THUMPD2: variants seen among roughly 807,000 people sequenced by gnomAD.
The protein encoded by THUMPD2 is THUMP domain 2 tRNA and snRNA guanosine methyltransferase, also known as U6 snRNA (guanine-N(2))-methyltransferase THUMPD2.
Under a neutral mutation model 49.4 loss-of-function variants are expected in THUMPD2, and 56 were observed. That is an observed-to-expected ratio of 1.13 (90% CI 0.91 to 1.41). The LOEUF (loss-of-function observed/expected upper bound fraction) is 1.41. Ranked by LOEUF, THUMPD2 falls within the 40% of genes most tolerant of loss-of-function variation. The pLI is 0.00. For missense variants in THUMPD2, 709 were observed against 594.5 expected, an observed-to-expected ratio of 1.19 and a Z score of -2.00; for synonymous variants, 237 against 205.2, an observed-to-expected ratio of 1.15 and a Z score of -1.32.
intron 8 of THUMPD2, among the ~76,000 whole-genome samples, chr2:39,747,345 T>C (rs1450858134): frequency 6.6e-6 from 1 of 152,200 alleles, no homozygotes; most frequent in Non-Finnish European, 1.5e-5. Context: ...TACTATTCTT[T>C]TTCTCATTTC....
chr2:39,767,685 C>T (rs1172274610), intron 4 of THUMPD2, among the ~76,000 whole-genome samples: 1 of 140,350 alleles, frequency 7.1e-6, no homozygotes, highest in Non-Finnish European at 1.5e-5. Flanking sequence ...GGGATCAAAA[C>T]ATTTAGTATG....
At chr2:39,773,558 A>T (rs539746684) in intron 1 of THUMPD2, among the ~76,000 whole-genome samples, 26 of 40,262 alleles carry the variant, frequency 6.5e-4, no homozygotes, top group African/African-American at 4.9e-3. Context: ...TATATTTAAA[A>T]ATATATATAT....
chr2:39,740,684 C>T (rs114023135), intron 9 of THUMPD2, among the ~76,000 whole-genome samples: 3,519 of 151,698 alleles, frequency 0.023, 51 homozygotes, highest in Non-Finnish European at 0.037. Context: ...ATACCTCAAG[C>T]TACTGGTGTC....
chr2:39,744,342 A>T, intron 9 of THUMPD2, 28 bp downstream of exon 9: 6 of 1,449,508 alleles, frequency 4.1e-6, no homozygotes, highest in Non-Finnish European at 5.6e-6. Context: ...TAGCTAAAAA[A>T]ATTATGAAAA....
At chr2:39,778,743 G>T (rs1245467377) in intron 1 of THUMPD2, among the ~76,000 whole-genome samples, 1 of 152,202 alleles carries the variant, frequency 6.6e-6, no homozygotes, top group Non-Finnish European at 1.5e-5. Context: ...CTAACAAAAA[G>T]TCAGGTAACT....
intron 5 of THUMPD2, among the ~76,000 whole-genome samples, chr2:39,763,796 T>C (rs1482649286): frequency 6.6e-6 from 1 of 152,202 alleles, no homozygotes; most frequent in South Asian, 2.1e-4. Context: ...TACAAGGCAC[T>C]TCATGGCTTG....
chr2:39,746,746 G>A (rs966893861), intron 8 of THUMPD2, among the ~76,000 whole-genome samples: 1 of 152,068 alleles, frequency 6.6e-6, no homozygotes, highest in African/African-American at 2.4e-5. Context: ...TCAGGACTAT[G>A]GCCCCAAGAT....
At chr2:39,753,744 T>C (rs756390168) in intron 8 of THUMPD2, among the ~76,000 whole-genome samples, 9 of 152,248 alleles carry the variant, frequency 5.9e-5, no homozygotes, top group South Asian at 2.1e-4. Context: ...CTGTTGGCTC[T>C]GTCTGCCAGA....
rs1673154068 is a variant in THUMPD2, at chr2:39,736,905, T to C, written c.1342A>G (p.Thr448Ala). Residue 448 changes from threonine to alanine, a missense_variant, in exon 10 of 10, where the codon ACT becomes GCT. By Grantham distance (58) the Thr-to-Ala change is moderately conservative. Coordinates refer to ENST00000505747, the MANE Select transcript of THUMPD2 (RefSeq NM_025264.5). The stretch of plus-strand genomic sequence containing the variant: ...GTTGACGCTGTCTTGAATGCACCAG[T>C]TTTTTCTTCAGGATTCAAGCACTTT... ...IKKCLNPEEK[T>A]GAFKTASTSF... 1 of 1,614,148 alleles carries C rather than the reference T, an allele frequency of 6.2e-7. No homozygotes were observed. Among genetic ancestry groups the C allele is most frequent in the Non-Finnish European group, 8.5e-7 (1 of 1,180,032 alleles).
At chr2:39,764,110 TTATC>T (rs754396547) in intron 5 of THUMPD2, among the ~76,000 whole-genome samples, 17 of 152,222 alleles carry the variant, frequency 1.1e-4, no homozygotes, top group Admixed American at 3.3e-4. Flanking sequence ...GGACAATCCT[TTATC>T]TTTCTGCTCA....
rs537425733 is a variant in THUMPD2, at chr2:39,768,649, A to C, written c.673-148T>G. The C allele has an allele frequency of 1.9e-5, 14 of 747,848 alleles. No individual in the cohort carries two copies. The South Asian group carries it at 2.6e-4, about 14-fold the overall frequency. The allele number at this position is 747,848 out of a possible 1,614,324, so 46.3% of individuals were successfully genotyped here. A position where few individuals can be genotyped will look rare whatever the true frequency, so the allele number is the denominator to read the frequency against. On this transcript the variant is annotated intron_variant, in intron 3 of 9. Transcript: ENST00000505747. Reference sequence around the variant, plus strand: ...GTTCTGATATTAAAATTGTACATGAAAGCATTTCCTATTCAAGGCAGTAAG... The same window carrying C: ...GTTCTGATATTAAAATTGTACATGACAGCATTTCCTATTCAAGGCAGTAAG...
At chr2:39,750,061 T>C (rs1675184000) in intron 8 of THUMPD2, among the ~76,000 whole-genome samples, 1 of 152,236 alleles carries the variant, frequency 6.6e-6, no homozygotes, top group African/African-American at 2.4e-5. Context: ...AGTGAACATA[T>C]GTGTGCATGT....
In THUMPD2 at chr2:39,779,161, C is replaced by A. The variant is rs1180393156; in HGVS notation, c.79G>T (p.Glu27Ter). Residue 27 changes from glutamate to a stop codon, truncating the protein, a stop_gained, in exon 1 of 10, where the codon GAG becomes TAG. Coordinates refer to ENST00000505747, the MANE Select transcript of THUMPD2 (RefSeq NM_025264.5). LOFTEE classifies it high-confidence loss of function. ...RFFCTAGRGL[E>*]PFVMREVRAR... ...CGCACCTCTCGCATTACGAACGGCT[C>A]CAGGCCGCGACCCGCAGTGCAGAAG... is the stretch of plus-strand genomic sequence containing the variant. 2.0e-6 allele frequency: 3 copies of A among 1,521,366 alleles called. No individual in the cohort carries two copies. The highest frequency in any genetic ancestry group is 2.6e-6 in the Non-Finnish European group (3 of 1,140,054). 94.2% of individuals were successfully genotyped at this position (1,521,366 alleles called of 1,614,324 possible). A position where few individuals can be genotyped will look rare whatever the true frequency, so the allele number is the denominator to read the frequency against.
At position 39,744,595 on chromosome 2, in the gene THUMPD2, T is replaced by C. The variant is rs1572751475; in HGVS notation, c.1079-117A>G. The C allele has an allele frequency of 2.0e-5, 12 of 607,406 alleles. No individual in the cohort carries two copies. The East Asian group carries it at 4.2e-4, about 21-fold the overall frequency. The allele number at this position is 607,406 out of a possible 1,614,324, so 37.6% of individuals were successfully genotyped here. A position where few individuals can be genotyped will look rare whatever the true frequency, so the allele number is the denominator to read the frequency against. On this transcript the variant is annotated intron_variant, in intron 8 of 9. Transcript: ENST00000505747. ...TGCGTAACAGATTAACATTTAGGGT[T>C]GCTAATATTGTTTTAAAGTAATTAC...
At chr2:39,748,159 A>T (rs933570708) in intron 8 of THUMPD2, among the ~76,000 whole-genome samples, 1 of 152,344 alleles carries the variant, frequency 6.6e-6, no homozygotes, top group South Asian at 2.1e-4. Flanking sequence ...CATTTGTTGA[A>T]TCCTTTGATT....
chr2:39,768,608 C>G (rs1243900590), intron 3 of THUMPD2, 107 bp from the exon 4 acceptor site: 3 of 906,344 alleles, frequency 3.3e-6, no homozygotes, highest in Non-Finnish European at 5.2e-6. Flanking sequence ...GTCAGGCTAT[C>G]TGATGGTAAT....
intron 8 of THUMPD2, among the ~76,000 whole-genome samples, chr2:39,753,877 T>C (rs569370322): frequency 6.6e-6 from 1 of 152,332 alleles, no homozygotes; most frequent in Non-Finnish European, 1.5e-5. Context: ...GTTACTGTCC[T>C]TCCCTCACTA....
intron 8 of THUMPD2, among the ~76,000 whole-genome samples, chr2:39,753,336 T>G (rs971441563): frequency 6.6e-6 from 1 of 152,168 alleles, no homozygotes; most frequent in Non-Finnish European, 1.5e-5. Context: ...TCTATCTTTC[T>G]TCCCCGGATT....
At chr2:39,746,106 C>T (rs1292430619) in intron 8 of THUMPD2, among the ~76,000 whole-genome samples, 1 of 152,186 alleles carries the variant, frequency 6.6e-6, no homozygotes, top group Non-Finnish European at 1.5e-5. Context: ...CCGTTAGCTG[C>T]TTTGTGGTCA....
Sources: gnomAD v4.1 joint callset for allele counts (sites outside exome capture counted in the v4.1 genomes callset) on GRCh38, gnomAD v4.1.1 for gene constraint, MANE v1.5 for transcripts, NCBI Gene and HGNC (gene_info 2026-07-23, HGNC 2026-07-21) for gene names.